The following FAF1 variants were observed in gnomAD, a reference collection of about 807,000 sequenced individuals.
FAF1 encodes the protein FAS-associated factor 1.
Under a neutral mutation model 92.5 loss-of-function variants are expected in FAF1, and 25 were observed. The observed-to-expected ratio is 0.27, with a 90% CI of 0.20 to 0.38. FAF1 has a LOEUF of 0.38. Among genes scored for constraint, FAF1 ranks in the 10% least tolerant of loss-of-function variants. FAF1 has a pLI of 1.00. For missense variants in FAF1, 636 were observed against 793.3 expected (o/e 0.80, Z 2.38); for synonymous variants, 234 against 273.2 (o/e 0.86, Z 1.42).
At chr1:50,610,975 G>A (rs1185662522) in intron 8 of FAF1, among the ~76,000 whole-genome samples, 1 of 152,118 alleles carries the variant, frequency 6.6e-6, no homozygotes, top group Non-Finnish European at 1.5e-5. Flanking sequence ...AGGTTCCCAG[G>A]GTTGAGCTTT....
intron 1 of FAF1, among the ~76,000 whole-genome samples, chr1:50,952,398 G>A (rs1177234429): frequency 2.0e-5 from 3 of 152,324 alleles, no homozygotes; most frequent in East Asian, 1.9e-4. Context: ...ACGGAGTCTC[G>A]CTCACTCAGT....
intron 6 of FAF1, among the ~76,000 whole-genome samples, chr1:50,732,468 C>T (rs1469333843): frequency 6.6e-6 from 1 of 152,136 alleles, no homozygotes; most frequent in Non-Finnish European, 1.5e-5. Context: ...CTTGTGCATA[C>T]AAGCCTGCAA....
intron 12 of FAF1, among the ~76,000 whole-genome samples, chr1:50,574,637 A>G (rs1650624725): frequency 6.6e-6 from 1 of 152,188 alleles, no homozygotes; most frequent in Non-Finnish European, 1.5e-5. Context: ...AAGAACCCAT[A>G]GCCTACTTAT....
At chr1:50,696,196 A>G (rs1657215796) in intron 7 of FAF1, among the ~76,000 whole-genome samples, 1 of 152,124 alleles carries the variant, frequency 6.6e-6, no homozygotes, top group Non-Finnish European at 1.5e-5. Flanking sequence ...CCTCTGGAGT[A>G]TATCTTATGC....
At chr1:50,620,375 T>G (rs576108233) in intron 8 of FAF1, among the ~76,000 whole-genome samples, 1 of 152,252 alleles carries the variant, frequency 6.6e-6, no homozygotes, top group Non-Finnish European at 1.5e-5. Flanking sequence ...TATTGTATTA[T>G]GAAATTCTTG....
At chr1:50,655,974 G>A (rs1257717756) in intron 7 of FAF1, among the ~76,000 whole-genome samples, 1 of 152,098 alleles carries the variant, frequency 6.6e-6, no homozygotes, top group African/African-American at 2.4e-5. Flanking sequence ...GGGCAGGGGA[G>A]GAAAAACCTA....
At chr1:50,749,853 C>T (rs945842766) in intron 4 of FAF1, among the ~76,000 whole-genome samples, 3 of 151,338 alleles carry the variant, frequency 2.0e-5, no homozygotes, top group African/African-American at 7.3e-5. Context: ...GAAATGACAA[C>T]CGTAGAACAA....
chr1:50,493,096 G>A (rs987697607), intron 15 of FAF1, among the ~76,000 whole-genome samples: 4 of 149,636 alleles, frequency 2.7e-5, no homozygotes, highest in Non-Finnish European at 5.9e-5. Flanking sequence ...GCAGTGGTAC[G>A]ATCTCCACTC....
At chr1:50,542,658 G>A (rs1189613312) in intron 13 of FAF1, among the ~76,000 whole-genome samples, 1 of 152,142 alleles carries the variant, frequency 6.6e-6, no homozygotes, top group Non-Finnish European at 1.5e-5. Flanking sequence ...GTAAATTCCT[G>A]CAATCTCAAA....
intron 13 of FAF1, among the ~76,000 whole-genome samples, chr1:50,544,650 T>C (rs1380086650): frequency 2.0e-5 from 3 of 152,208 alleles, no homozygotes; most frequent in Non-Finnish European, 4.4e-5. Context: ...ACTTGCTTCA[T>C]TTGTATGGGT....
Position 50,583,528 on chromosome 1 carries a change from A to T in FAF1, c.1031+124T>A. ...TTTCACTATTAGGACTATATAAATT[A>T]ACAAGTATATCCTTTGAATACTTTA... On this transcript the variant is annotated intron_variant, in intron 11 of 18. Coordinates refer to ENST00000396153, the MANE Select transcript of FAF1 (RefSeq NM_007051.3). This position sits in a 1 kb window ranked among gnomAD's most constrained non-coding sequence, Gnocchi z 4.2. 1.9e-6 allele frequency: 1 copy of T among 514,092 alleles called. No individual in the cohort carries two copies. The highest frequency in any genetic ancestry group is 3.3e-6 in the Non-Finnish European group (1 of 299,926). The allele number at this position is 514,092 out of a possible 1,614,324, so 31.8% of individuals were successfully genotyped here. A position where few individuals can be genotyped will look rare whatever the true frequency, so the allele number is the denominator to read the frequency against.
chr1:50,589,926 G>GA (rs1280574083), intron 9 of FAF1, among the ~76,000 whole-genome samples: 1 of 152,124 alleles, frequency 6.6e-6, no homozygotes, highest in African/African-American at 2.4e-5. Context: ...ACCGTTTGTT[G>GA]AAAAAACTTC....
chr1:50,468,673 C>A (rs536244558), intron 18 of FAF1, among the ~76,000 whole-genome samples: 10 of 152,202 alleles, frequency 6.6e-5, no homozygotes, highest in African/African-American at 2.4e-4. Context: ...CTTGGCCAGG[C>A]TGGTGTTGAA....
chr1:50,681,691 T>G (rs911333114), intron 7 of FAF1, among the ~76,000 whole-genome samples: 7 of 148,576 alleles, frequency 4.7e-5, no homozygotes, highest in African/African-American at 1.5e-4. Flanking sequence ...TTTTTTTTTG[T>G]ATTTTTAGTA....
intron 7 of FAF1, among the ~76,000 whole-genome samples, chr1:50,704,541 G>A (rs1049616626): frequency 6.6e-6 from 1 of 152,104 alleles, no homozygotes; most frequent in South Asian, 2.1e-4. Context: ...CTCGGAGATG[G>A]AGCCACGGCA....
At chr1:50,552,408 A>C (rs1649355342) in intron 13 of FAF1, among the ~76,000 whole-genome samples, 1 of 152,202 alleles carries the variant, frequency 6.6e-6, no homozygotes, top group Non-Finnish European at 1.5e-5. Flanking sequence ...GAATAAATCC[A>C]AAGCTCATTC....
Position 50,583,588 on chromosome 1 carries a change from C to A in FAF1, c.1031+64G>T. Reference sequence around the variant, plus strand: ...TTTAAACAATCTATAATTAAAATTGCCCAAGAAAAATCACAGTAGCATAAA... The same window carrying A: ...TTTAAACAATCTATAATTAAAATTGACCAAGAAAAATCACAGTAGCATAAA... On this transcript the variant is annotated intron_variant, in intron 11 of 18. Transcript: ENST00000396153. This position sits in a 1 kb window ranked among gnomAD's most constrained non-coding sequence, Gnocchi z 4.2. 1.0e-6 allele frequency: 1 copy of A among 988,522 alleles called. No individual in the cohort carries two copies. The highest frequency in any genetic ancestry group is 1.5e-6 in the Non-Finnish European group (1 of 678,586). The allele number at this position is 988,522 out of a possible 1,614,324, so 61.2% of individuals were successfully genotyped here. A position where few individuals can be genotyped will look rare whatever the true frequency, so the allele number is the denominator to read the frequency against.
intron 2 of FAF1, among the ~76,000 whole-genome samples, chr1:50,852,028 A>G (rs962675370): frequency 6.6e-6 from 1 of 152,200 alleles, no homozygotes; most frequent in Non-Finnish European, 1.5e-5. Flanking sequence ...AGGCTATATA[A>G]TGAGCTTTCC....
intron 13 of FAF1, among the ~76,000 whole-genome samples, chr1:50,544,963 T>C (rs1648938780): frequency 6.6e-6 from 1 of 151,814 alleles, no homozygotes; most frequent in African/African-American, 2.4e-5. Flanking sequence ...TGGAGCAGAG[T>C]GAAGCATAAA....
Sources: gnomAD v4.1 joint callset for allele counts (sites outside exome capture counted in the v4.1 genomes callset) on GRCh38, gnomAD v4.1.1 for gene constraint, Gnocchi (gnomAD v3.1) non-coding constraint, MANE v1.5 for transcripts, NCBI Gene and HGNC (gene_info 2026-07-23, HGNC 2026-07-21) for gene names.